Variants in ZNF37A observed in about 807,000 individuals in gnomAD.
The protein encoded by ZNF37A is zinc finger protein 37a (KOX 21).
A neutral mutation model predicts 12.3 loss-of-function variants in ZNF37A; 10 were observed. The observed-to-expected ratio is 0.82, with a 90% CI of 0.50 to 1.38. ZNF37A has a LOEUF of 1.38. Among genes scored for constraint, ZNF37A ranks in the 40% most tolerant of loss-of-function variants. The probability of loss-of-function intolerance (pLI) is 0.00; values close to 1 mark genes in which losing one functional copy is unlikely to be tolerated. For synonymous variants in ZNF37A, 207 were observed against 223.0 expected, an observed-to-expected ratio of 0.93 and a Z score of 0.64; for missense variants, 580 against 651.2, an observed-to-expected ratio of 0.89 and a Z score of 1.19.
intron 5 of ZNF37A, among the ~76,000 whole-genome samples, chr10:38,102,150 T>G (rs2067645927): frequency 6.6e-6 from 1 of 152,170 alleles, no homozygotes; most frequent in South Asian, 2.1e-4. Flanking sequence ...TGCCAATTTC[T>G]GTCTTTTAGT....
chr10:38,141,067 T>G (rs1323526439), intron 7 of ZNF37A: 3 of 152,134 alleles, frequency 2.0e-5, no homozygotes, highest in Middle Eastern at 3.4e-3. Context: ...CCCATATTAG[T>G]GGGTGAAACT....
intron 7 of ZNF37A, chr10:38,137,319 A>G (rs1431025102): frequency 6.6e-6 from 1 of 152,068 alleles, no homozygotes; most frequent in Non-Finnish European, 1.5e-5. Flanking sequence ...GGTGTTCCTT[A>G]TTGGAGATCA....
At chr10:38,139,755 A>T (rs1247553777) in intron 7 of ZNF37A, 5 of 152,202 alleles carry the variant, frequency 3.3e-5, no homozygotes, top group African/African-American at 9.7e-5. Flanking sequence ...CAAGCCTCTG[A>T]AAATATTGAT....
At chr10:38,109,289 C>A (rs918943091) in intron 5 of ZNF37A, among the ~76,000 whole-genome samples, 1 of 152,084 alleles carries the variant, frequency 6.6e-6, no homozygotes, top group African/African-American at 2.4e-5. Flanking sequence ...ATTCAACACC[C>A]CTTCATGCTT....
At chr10:38,112,751 T>TCGGTCTCGGTCTCGGTC (rs1564931966) in intron 5 of ZNF37A, among the ~76,000 whole-genome samples, 1 of 48,514 alleles carries the variant, frequency 2.1e-5, no homozygotes, top group African/African-American at 8.0e-5. Context: ...TTTTCTTTTC[T>TCGGTCTCGGTCTCGGTC]TTTCTTTTCT....
At chr10:38,110,429 A>C (rs1193166579) in intron 5 of ZNF37A, among the ~76,000 whole-genome samples, 3 of 152,198 alleles carry the variant, frequency 2.0e-5, no homozygotes, top group Non-Finnish European at 4.4e-5. Flanking sequence ...GGCATGGGCA[A>C]AACTTCATGA....
intron 7 of ZNF37A, chr10:38,138,937 T>C (rs1013352394): frequency 6.6e-6 from 1 of 152,138 alleles, no homozygotes; most frequent in Non-Finnish European, 1.5e-5. Flanking sequence ...CATCCTCTGG[T>C]TCATTTTGAA....
chr10:38,115,517 A>C (rs1197521543), intron 7 of ZNF37A: 2 of 443,374 alleles, frequency 4.5e-6, no homozygotes, highest in Non-Finnish European at 7.8e-6. Flanking sequence ...ATTGTGATAT[A>C]AACTATATAG....
intron 5 of ZNF37A, among the ~76,000 whole-genome samples, chr10:38,105,132 A>G (rs1246803133): frequency 2.6e-5 from 4 of 151,822 alleles, no homozygotes; most frequent in Non-Finnish European, 5.9e-5. Flanking sequence ...CAGCCTCCCA[A>G]GTAGCTGGGA....
intron 5 of ZNF37A, among the ~76,000 whole-genome samples, chr10:38,098,034 G>A (rs532877968): frequency 9.9e-4 from 150 of 152,240 alleles, no homozygotes; most frequent in African/African-American, 3.3e-3. Flanking sequence ...AGATATGCCT[G>A]TTTTAGATAT....
chr10:38,118,485 G>A lies in ZNF37A; in HGVS notation c.1334G>A (p.Gly445Glu), dbSNP rs748122141. 6.2e-7 allele frequency: 1 copy of A among 1,613,978 alleles called. No homozygotes were observed. The highest frequency in any genetic ancestry group is 8.5e-7 in the Non-Finnish European group (1 of 1,180,000). The change falls in exon 8 of 8, where the codon GGA (glycine) becomes GAA (glutamate). Residue 445 changes from glycine (G) to glutamate (E), a missense_variant. Coordinates refer to ENST00000685332, the MANE Select transcript of ZNF37A (RefSeq NM_001324250.3). Reference sequence around the variant, plus strand: ...AAACCTTATGAATGTATTCAGTGTGGAAAATTTTTCTGCTACTACTCCGGT... The same window carrying A: ...AAACCTTATGAATGTATTCAGTGTGAAAAATTTTTCTGCTACTACTCCGGT... ...GEKPYECIQC[G>E]KFFCYYSGFT...
chr10:38,145,136 A>G (rs1403748121), intron 7 of ZNF37A, among the ~76,000 whole-genome samples: 2 of 152,158 alleles, frequency 1.3e-5, no homozygotes, highest in Non-Finnish European at 2.9e-5. Context: ...CATACAGGAG[A>G]CAAATTCAAC....
chr10:38,138,063 A>T (rs1247086249), intron 7 of ZNF37A: 1 of 152,240 alleles, frequency 6.6e-6, no homozygotes, highest in African/African-American at 2.4e-5. Context: ...TAATCCAGAC[A>T]TTTTGATTAA....
intron 7 of ZNF37A, chr10:38,115,646 C>T (rs1476576617): frequency 6.3e-6 from 1 of 158,186 alleles, no homozygotes; most frequent in Non-Finnish European, 1.4e-5. Flanking sequence ...GTACTCTTCC[C>T]AGTAAAGAGC....
chr10:38,121,026 C>T lies in ZNF37A; in HGVS notation c.*2189C>T, dbSNP rs1332147877. Reference sequence around the variant, plus strand: ...TGCCTTGTCACAACTGCAAACAATACCTGAGTGGAGTATTCAAAAACTTGC... The same window carrying T: ...TGCCTTGTCACAACTGCAAACAATATCTGAGTGGAGTATTCAAAAACTTGC... On this transcript the variant is annotated 3_prime_UTR_variant, in exon 8 of 8. Transcript: ENST00000685332. The T allele has an allele frequency of 6.6e-6, 1 of 152,006 alleles. No individual in the cohort carries two copies. The highest frequency in any genetic ancestry group is 1.9e-4 in the East Asian group (1 of 5,182). 9.4% of individuals were successfully genotyped at this position (152,006 alleles called of 1,614,324 possible).
intron 5 of ZNF37A, among the ~76,000 whole-genome samples, chr10:38,112,737 T>TGGTCTTGGTCTTGGTCTTGG (rs1564931757): frequency 8.3e-5 from 6 of 71,994 alleles, no homozygotes; most frequent in African/African-American, 1.1e-4. Context: ...TCCATTTTCT[T>TGGTCTTGGTCTTGGTCTTGG]TTCTTTTCTT....
At chr10:38,129,308 A>AC, downstream of ZNF37A, among the ~76,000 whole-genome samples, 1 of 146,042 alleles carries the variant, frequency 6.8e-6, no homozygotes, top group Non-Finnish European at 1.5e-5. Flanking sequence ...TCTGTCTAAA[A>AC]AAAAAAAAAA....
At chr10:38,106,382 A>G (rs1280444075) in intron 5 of ZNF37A, among the ~76,000 whole-genome samples, 1 of 152,212 alleles carries the variant, frequency 6.6e-6, no homozygotes, top group African/African-American at 2.4e-5. Context: ...ATCCACGAAG[A>G]TGGGGAGAAA....
chr10:38,125,555 C>T (rs2069912762), downstream of ZNF37A: 2 of 152,148 alleles, frequency 1.3e-5, no homozygotes, highest in Admixed American at 1.3e-4. Flanking sequence ...CATAAAATCT[C>T]AATGGGTCAT....
Sources: gnomAD v4.1 joint callset for allele counts (sites outside exome capture counted in the v4.1 genomes callset) on GRCh38, gnomAD v4.1.1 for gene constraint, MANE v1.5 for transcripts, NCBI Gene and HGNC (gene_info 2026-07-23, HGNC 2026-07-21) for gene names.